Variants in SIK3 observed in about 807,000 individuals in gnomAD.
The protein encoded by SIK3 is serine/threonine-protein kinase SIK3.
In SIK3, 28 loss-of-function variants were observed where a neutral mutation model predicts 144.2. That is an observed-to-expected ratio of 0.19 (90% CI 0.14 to 0.27). The LOEUF is 0.27. SIK3 is among the 10% of genes least tolerant of loss of function. SIK3 has a pLI of 1.00. For missense variants in SIK3, 1,319 were observed against 1,776.0 expected, an observed-to-expected ratio of 0.74 and a Z score of 4.62; for synonymous variants, 686 against 676.3, an observed-to-expected ratio of 1.01 and a Z score of -0.22.
rs764893560 is a variant in SIK3 at position 116,857,973 on chromosome 11, T to C, written c.3492A>G (p.Thr1164=). ...GGCTGTCATGGCAACCTTTGGTCAA[T>C]GTACTTGAACTCTTACTGTCTTGGA... ...DGFQDSKSSS[T]LTKGCHDSPL... is the part of the protein sequence containing the mutation. The change falls in exon 21 of 25, where the codon ACA becomes ACG. Residue 1164 remains threonine, a synonymous_variant. Coordinates refer to ENST00000445177, the MANE Select transcript of SIK3 (RefSeq NM_001366686.3). The C allele has an allele frequency of 1.9e-6, 3 of 1,614,114 alleles. No homozygotes were observed.
At chr11:117,031,617 G>A (rs1011626325) in intron 1 of SIK3, among the ~76,000 whole-genome samples, 7 of 150,010 alleles carry the variant, frequency 4.7e-5, no homozygotes, top group African/African-American at 1.7e-4. Context: ...CACTGCACAG[G>A]TTCAAGGGAT....
At chr11:116,914,619 C>A (rs1262310025) in intron 4 of SIK3, among the ~76,000 whole-genome samples, 2 of 152,150 alleles carry the variant, frequency 1.3e-5, no homozygotes, top group Non-Finnish European at 1.5e-5. Context: ...ACACATGAAA[C>A]AAGCACACAT....
intron 4 of SIK3, among the ~76,000 whole-genome samples, chr11:116,911,127 C>T (rs1946320232): frequency 6.6e-6 from 1 of 152,058 alleles, no homozygotes; most frequent in Admixed American, 6.5e-5. Flanking sequence ...GAGCGAAACC[C>T]TGTCTTTTAA....
At chr11:116,974,292 T>C (rs1360454140) in intron 1 of SIK3, among the ~76,000 whole-genome samples, 2 of 152,242 alleles carry the variant, frequency 1.3e-5, no homozygotes, top group Non-Finnish European at 2.9e-5. Context: ...ACAACAGCTT[T>C]CTGCTTTCCG....
intron 3 of SIK3, among the ~76,000 whole-genome samples, chr11:116,941,657 G>T (rs560726813): frequency 6.6e-6 from 1 of 152,266 alleles, no homozygotes; most frequent in African/African-American, 2.4e-5. Flanking sequence ...GCACCATTAA[G>T]AAATATTATT....
At chr11:116,972,216 C>T (rs1362628007) in intron 1 of SIK3, among the ~76,000 whole-genome samples, 1 of 152,106 alleles carries the variant, frequency 6.6e-6, no homozygotes, top group East Asian at 1.9e-4. Flanking sequence ...AAGTTATGTG[C>T]CCTGGATATA....
chr11:116,866,395 G>A (rs536557669), intron 15 of SIK3, among the ~76,000 whole-genome samples: 2 of 151,364 alleles, frequency 1.3e-5, no homozygotes, highest in African/African-American at 4.8e-5. Context: ...CACAGGAAAC[G>A]TATAGGGGAG....
chr11:117,017,847 A>G (rs980766280), intron 1 of SIK3, among the ~76,000 whole-genome samples: 1 of 152,226 alleles, frequency 6.6e-6, no homozygotes, highest in South Asian at 2.1e-4. Context: ...TTCAAATTAA[A>G]CAATATTTGT....
rs370794971 is a variant in SIK3 at position 116,862,301 on chromosome 11, G to A, written c.2130C>T (p.Tyr710=). 1.6e-5 allele frequency: 26 copies of A among 1,613,974 alleles called. No homozygotes were observed. The highest frequency in any genetic ancestry group is 8.9e-5 in the East Asian group (4 of 44,900). Residue 710 remains tyrosine (Y), a synonymous_variant, in exon 17 of 25, where the codon TAC becomes TAT. Transcript: ENST00000445177. ...QQECEQLQKM[Y]GGQIDERTLE... is the part of the protein sequence containing the mutation. ...GGGTTCTTTCATCAATCTGCCCCCCGTACATCTTCTGCAGCTGCTCACACT... is the reference window on the plus strand; with the variant it reads ...GGGTTCTTTCATCAATCTGCCCCCCATACATCTTCTGCAGCTGCTCACACT...
chr11:116,950,779 GC>G (rs200694937), intron 3 of SIK3, among the ~76,000 whole-genome samples: 4,647 of 152,318 alleles, frequency 0.031, 92 homozygotes, highest in Non-Finnish European at 0.035. Flanking sequence ...ACAGAAGGAA[GC>G]CCTGCGTTCT....
At chr11:116,976,810 A>G (rs1949962623) in intron 1 of SIK3, among the ~76,000 whole-genome samples, 1 of 152,232 alleles carries the variant, frequency 6.6e-6, no homozygotes, top group African/African-American at 2.4e-5. Context: ...AAATGTCAGT[A>G]GACAAATATT....
chr11:117,095,986 T>C (rs1306394741), intron 1 of SIK3, among the ~76,000 whole-genome samples: 1 of 152,196 alleles, frequency 6.6e-6, no homozygotes, highest in African/African-American at 2.4e-5. Context: ...TGACACCCGT[T>C]TGTAAACAAG....
chr11:116,996,526 T>C (rs1159475491), intron 1 of SIK3, among the ~76,000 whole-genome samples: 2 of 151,950 alleles, frequency 1.3e-5, no homozygotes, highest in Non-Finnish European at 2.9e-5. Context: ...ATTAAAAATA[T>C]GACAGTTCTC....
intron 1 of SIK3, among the ~76,000 whole-genome samples, chr11:117,078,367 C>T (rs1333026296): frequency 6.6e-6 from 1 of 151,592 alleles, no homozygotes; most frequent in Non-Finnish European, 1.5e-5. Flanking sequence ...ACGTGTCATG[C>T]ACAAGGTGGG....
intron 1 of SIK3, among the ~76,000 whole-genome samples, chr11:116,994,541 T>C (rs2135573858): frequency 6.6e-6 from 1 of 152,294 alleles, no homozygotes; most frequent in Middle Eastern, 3.4e-3. Flanking sequence ...TTGCCAGGTT[T>C]AGATGAAATA....
chr11:116,857,561 G>A (rs11216162), intron 21 of SIK3: 91,371 of 536,616 alleles, frequency 0.17, 8,243 homozygotes, highest in South Asian at 0.24. Context: ...ACTGTGGTAT[G>A]AATAAGGGAA....
At chr11:116,953,119 C>CAT (rs1249080910) in intron 3 of SIK3, among the ~76,000 whole-genome samples, 2 of 152,100 alleles carry the variant, frequency 1.3e-5, no homozygotes, top group African/African-American at 4.8e-5. Context: ...CACACACACA[C>CAT]ATCCATGCAG....
intron 1 of SIK3, among the ~76,000 whole-genome samples, chr11:117,050,604 T>C (rs1354718300): frequency 1.3e-5 from 2 of 151,534 alleles, no homozygotes; most frequent in African/African-American, 4.9e-5. Context: ...GGAGAATCGC[T>C]TGAACCTGGG....
chr11:116,853,336 T>C (rs1393083518), intron 21 of SIK3, among the ~76,000 whole-genome samples: 2 of 152,212 alleles, frequency 1.3e-5, no homozygotes, highest in Non-Finnish European at 2.9e-5. Flanking sequence ...GATCAAATCT[T>C]TGGCAACCCT....
Sources: allele counts gnomAD v4.1 joint callset (sites outside exome capture counted in the v4.1 genomes callset), GRCh38; gene constraint gnomAD v4.1.1; transcripts MANE v1.5; gene names NCBI Gene and HGNC (gene_info 2026-07-23, HGNC 2026-07-21).